The following DTHD1 variants were observed in gnomAD, a reference collection of about 807,000 sequenced individuals.
DTHD1 encodes death domain-containing protein 1.
In DTHD1, 59 loss-of-function variants were observed where a neutral mutation model predicts 74.8. The ratio of observed to expected loss-of-function variants is 0.79; its 90% CI spans 0.64 to 0.98. DTHD1 has a LOEUF of 0.98. Among genes scored for constraint, DTHD1 ranks in the 50% least tolerant of loss-of-function variants. The pLI is 0.00. For missense variants in DTHD1, 1,051 were observed against 1,065.4 expected (o/e 0.99, Z 0.19); for synonymous variants, 365 against 371.1 (o/e 0.98, Z 0.19).
rs1197089351 is a variant in DTHD1 at position 36,347,258 on chromosome 4, AT to A, written c.*3438del. Among the ~76,000 whole-genome samples the A allele has an allele frequency of 2.6e-5, 4 of 152,160 alleles. No individual in the cohort carries two copies. Among genetic ancestry groups the A allele is most frequent in the Non-Finnish European group, 5.9e-5 (4 of 68,018 alleles). Reference sequence around the variant, plus strand: ...AATTTCTGAAATTGGTTAAAATGAAATTTTGCAGTATATATTCTTTTATGTT... The same window carrying A: ...AATTTCTGAAATTGGTTAAAATGAAATTTGCAGTATATATTCTTTTATGTT... On this transcript the variant is annotated 3_prime_UTR_variant, in exon 10 of 10. Transcript: ENST00000639862.
intron 8 of DTHD1, among the ~76,000 whole-genome samples, chr4:36,318,541 T>C (rs980631476): frequency 1.3e-5 from 2 of 152,130 alleles, no homozygotes; most frequent in African/African-American, 4.8e-5. Context: ...AATGAGGCTT[T>C]GATGACAGTA....
At chr4:36,334,574 G>T (rs1006788145) in intron 8 of DTHD1, among the ~76,000 whole-genome samples, 2 of 152,058 alleles carry the variant, frequency 1.3e-5, no homozygotes, top group Admixed American at 1.3e-4. Flanking sequence ...TGGCCAGGCT[G>T]ATGTCAAACT....
intron 9 of DTHD1, among the ~76,000 whole-genome samples, chr4:36,342,918 C>CAAAAAAAAAAAAAAAAAAAAA (rs55956868): frequency 1.0e-5 from 1 of 96,990 alleles, no homozygotes; most frequent in Non-Finnish European, 2.1e-5. Context: ...ACTAAAAATA[C>CAAAAAAAAAAAAAAAAAAAAA]AAAAAAAAAA....
At position 36,308,348 on chromosome 4, in the gene DTHD1, A is replaced by C. The variant is rs1757179116; in HGVS notation, c.1950A>C (p.Leu650Phe). Residue 650 changes from leucine (L) to phenylalanine (F), a missense_variant, in exon 7 of 10, where the codon TTA becomes TTC. Coordinates refer to ENST00000639862, the MANE Select transcript of DTHD1 (RefSeq NM_001170700.3). The stretch of plus-strand genomic sequence containing the variant: ...ACAATCCACATAGAATAGCTGTTTT[A>C]GTGGTGCCTTCCAAAGATTTAAGCC... ...QKDNPHRIAV[L>F]VVPSKDLSQV... 6.4e-7 allele frequency: 1 copy of C among 1,551,860 alleles called. No individual in the cohort carries two copies.
At position 36,336,321 on chromosome 4, in the gene DTHD1, T is replaced by C. The variant is rs527319292; in HGVS notation, c.2341-2791T>C. Among the ~76,000 whole-genome samples, 9 of 151,432 alleles carry C rather than the reference T, an allele frequency of 5.9e-5. 1 individual carries two copies. The South Asian group carries it at 1.9e-3, about 32-fold the overall frequency. The stretch of plus-strand genomic sequence containing the variant: ...GAATAAGAAATATTACTTTCACAAA[T>C]AGAACCTAAGAAAATGTAATCGAAT... On this transcript the variant is annotated intron_variant, in intron 8 of 9. Transcript: ENST00000639862.
At chr4:36,294,673 C>T in intron 4 of DTHD1, 122 bp from the exon 5 acceptor site, 1 of 872,666 alleles carries the variant, frequency 1.1e-6, no homozygotes, top group South Asian at 3.3e-5. Flanking sequence ...TTACAACTAA[C>T]AATACATAGA....
At chr4:36,329,029 C>G (rs537996843) in intron 8 of DTHD1, among the ~76,000 whole-genome samples, 1 of 152,274 alleles carries the variant, frequency 6.6e-6, no homozygotes, top group African/African-American at 2.4e-5. Context: ...GAGTAGAGCC[C>G]GCATGAGGAC....
At chr4:36,343,475 C>A in intron 9 of DTHD1, 27 bp from the exon 10 acceptor site, 2 of 1,541,302 alleles carry the variant, frequency 1.3e-6, no homozygotes, top group Non-Finnish European at 1.8e-6. Flanking sequence ...GGGTCCTAAC[C>A]GTGAGTGTTC....
At chr4:36,301,246 C>G (rs977212652) in intron 5 of DTHD1, among the ~76,000 whole-genome samples, 1 of 152,182 alleles carries the variant, frequency 6.6e-6, no homozygotes, top group Non-Finnish European at 1.5e-5. Context: ...AACTGTACTA[C>G]AATTTCTGCA....
At chr4:36,285,930 C>G (rs969643926) in intron 2 of DTHD1, among the ~76,000 whole-genome samples, 3 of 152,178 alleles carry the variant, frequency 2.0e-5, no homozygotes, top group African/African-American at 7.2e-5. Flanking sequence ...CTGTCACTCA[C>G]TACCATTGTT....
At chr4:36,282,579 G>C (rs537369772) in intron 1 of DTHD1, among the ~76,000 whole-genome samples, 1 of 152,254 alleles carries the variant, frequency 6.6e-6, no homozygotes, top group Admixed American at 6.5e-5. Context: ...GGGATTCTTG[G>C]GAATAGGTCC....
chr4:36,289,154 A>G (rs1176937637), intron 2 of DTHD1, among the ~76,000 whole-genome samples: 1 of 152,218 alleles, frequency 6.6e-6, no homozygotes. Flanking sequence ...GCTATGTTAT[A>G]TATAGATCCT....
intron 6 of DTHD1, 130 bp from the exon 7 acceptor site, chr4:36,308,074 T>C: frequency 2.1e-6 from 2 of 931,804 alleles, no homozygotes; most frequent in Non-Finnish European, 3.2e-6. Flanking sequence ...ATCTCACCTG[T>C]TGTCTTTGAG....
At chr4:36,308,876 A>G (rs1227662364) in intron 7 of DTHD1, among the ~76,000 whole-genome samples, 2 of 152,164 alleles carry the variant, frequency 1.3e-5, no homozygotes, top group African/African-American at 4.8e-5. Flanking sequence ...AACATAAATC[A>G]TACTATATTA....
At chr4:36,298,438 T>C (rs1260372443) in intron 5 of DTHD1, among the ~76,000 whole-genome samples, 1 of 152,212 alleles carries the variant, frequency 6.6e-6, no homozygotes, top group African/African-American at 2.4e-5. Context: ...GCTATGTTGT[T>C]ATTAGTCTCA....
chr4:36,306,460 A>G (rs1757059088), intron 6 of DTHD1, 108 bp downstream of exon 6: 1 of 1,189,424 alleles, frequency 8.4e-7, no homozygotes, highest in Non-Finnish European at 1.1e-6. Flanking sequence ...TCGAATAGAA[A>G]TATTAACCAT....
chr4:36,306,427 T>G, intron 6 of DTHD1, 75 bp downstream of exon 6: 2 of 1,357,798 alleles, frequency 1.5e-6, no homozygotes, highest in Non-Finnish European at 1.9e-6. Context: ...AGAAATGGAA[T>G]AGTAAGATTA....
intron 3 of DTHD1, among the ~76,000 whole-genome samples, chr4:36,291,843 A>G (rs1756102673): frequency 6.6e-6 from 1 of 152,206 alleles, no homozygotes. Flanking sequence ...CAATAAAAAT[A>G]ATAAATTTAG....
At chr4:36,288,455 C>T (rs1298893729) in intron 2 of DTHD1, among the ~76,000 whole-genome samples, 1 of 152,144 alleles carries the variant, frequency 6.6e-6, no homozygotes, top group Non-Finnish European at 1.5e-5. Context: ...TGGTTTCAGG[C>T]CTTGATACAT....
Sources: gnomAD v4.1 joint callset for allele counts (sites outside exome capture counted in the v4.1 genomes callset) on GRCh38, gnomAD v4.1.1 for gene constraint, MANE v1.5 for transcripts, NCBI Gene and HGNC (gene_info 2026-07-23, HGNC 2026-07-21) for gene names.